The following SAMD12 variants were observed in gnomAD, a reference collection of about 807,000 sequenced individuals.
The protein encoded by SAMD12 is sterile alpha motif domain containing 12.
SAMD12 carries 9 observed loss-of-function variants against 15.0 expected under a neutral mutation model. That is an observed-to-expected ratio of 0.60 (90% CI 0.36 to 1.05). The LOEUF (loss-of-function observed/expected upper bound fraction) is 1.05. Among genes scored for constraint, SAMD12 ranks in the 50% least tolerant of loss-of-function variants. The pLI, the probability that SAMD12 is intolerant of heterozygous loss-of-function variation, is 0.01. For missense variants in SAMD12, 230 were observed against 234.2 expected (o/e 0.98, Z 0.12); for synonymous variants, 86 against 90.1 (o/e 0.96, Z 0.25).
intron 2 of SAMD12, among the ~76,000 whole-genome samples, chr8:118,443,330 G>T (rs981488779): frequency 1.3e-4 from 20 of 152,138 alleles, no homozygotes; most frequent in Admixed American, 5.2e-4. Context: ...TGGGCATGGT[G>T]GCATGCACCT....
chr8:118,517,766 T>C (rs914111013), intron 2 of SAMD12, among the ~76,000 whole-genome samples: 3 of 152,212 alleles, frequency 2.0e-5, no homozygotes, highest in Non-Finnish European at 2.9e-5. Flanking sequence ...ATGTCTTTGC[T>C]TTTGAATGGG....
chr8:118,511,486 G>A (rs1000648375), intron 2 of SAMD12, among the ~76,000 whole-genome samples: 2 of 151,400 alleles, frequency 1.3e-5, no homozygotes, highest in Non-Finnish European at 2.9e-5. Flanking sequence ...TAGATGTTTT[G>A]TAGATTGGAA....
chr8:118,524,113 T>C (rs1825467514), intron 2 of SAMD12, among the ~76,000 whole-genome samples: 1 of 152,058 alleles, frequency 6.6e-6, no homozygotes, highest in Non-Finnish European at 1.5e-5. Context: ...CCCAACCCCA[T>C]TTAGAGTAAA....
chr8:118,347,878 C>T (rs185046250), intron 4 of SAMD12, among the ~76,000 whole-genome samples: 3 of 152,278 alleles, frequency 2.0e-5, no homozygotes, highest in Admixed American at 6.5e-5. Context: ...TAGGCTACCT[C>T]TAAGCATGGC....
In SAMD12 at chr8:118,538,988, T is replaced by C. The variant is rs907431421; in HGVS notation, c.192+41727A>G. Among the ~76,000 whole-genome samples, 8 of 152,302 alleles carry C rather than the reference T, an allele frequency of 5.3e-5. No homozygotes were observed. The East Asian group carries it at 5.8e-4, about 11-fold the overall frequency. On this transcript the variant is annotated intron_variant, in intron 2 of 3. Coordinates refer to ENST00000314727, the MANE Select transcript of SAMD12 (RefSeq NM_207506.3). ...GGAAATTTGCCTGATATTTCAGAGGTAGCAAATTACCTAACTAGGATATAA... is the reference window on the plus strand; with the variant it reads ...GGAAATTTGCCTGATATTTCAGAGGCAGCAAATTACCTAACTAGGATATAA...
intron 4 of SAMD12, among the ~76,000 whole-genome samples, chr8:118,360,807 T>C (rs1027002571): frequency 6.6e-6 from 1 of 152,214 alleles, no homozygotes. Flanking sequence ...TGCATTTGTT[T>C]TTTTCTTGAA....
chr8:118,371,418 G>GTAA (rs1447832845), intron 4 of SAMD12, among the ~76,000 whole-genome samples: 2 of 152,004 alleles, frequency 1.3e-5, no homozygotes, highest in Non-Finnish European at 2.9e-5. Flanking sequence ...TTAACACAGT[G>GTAA]GTTAGGGTAG....
the SAMD12 span, among the ~76,000 whole-genome samples, chr8:118,148,260 T>A: frequency 6.6e-6 from 1 of 151,778 alleles, no homozygotes; most frequent in Non-Finnish European, 1.5e-5. Flanking sequence ...GATGGAGTCT[T>A]GCTATGCTGC....
the SAMD12 span, among the ~76,000 whole-genome samples, chr8:118,182,523 A>T: frequency 4.0e-3 from 612 of 152,216 alleles, 2 homozygotes; most frequent in Middle Eastern, 0.01. Flanking sequence ...CTGGTCCTGA[A>T]TTTTGCTTAT....
chr8:118,498,376 C>T (rs1256050906), intron 2 of SAMD12, among the ~76,000 whole-genome samples: 2 of 152,136 alleles, frequency 1.3e-5, no homozygotes, highest in Non-Finnish European at 2.9e-5. Context: ...TTAATATACA[C>T]GAATATATTT....
chr8:118,205,380 A>C (rs913788207), intron 4 of SAMD12, among the ~76,000 whole-genome samples: 8 of 152,208 alleles, frequency 5.3e-5, no homozygotes, highest in African/African-American at 1.9e-4. Flanking sequence ...ATCATTCACC[A>C]AGTACTTCCT....
chr8:118,196,674 A>G (rs1308590673), exon 5 of SAMD12: 1 of 152,144 alleles, frequency 6.6e-6, no homozygotes, highest in Non-Finnish European at 1.5e-5. Context: ...GAGAATGGCG[A>G]TTTCAACTTG....
At chr8:118,573,885 T>C (rs1251795049) in intron 2 of SAMD12, among the ~76,000 whole-genome samples, 3 of 152,222 alleles carry the variant, frequency 2.0e-5, no homozygotes, top group Non-Finnish European at 4.4e-5. Context: ...CTGGACACAG[T>C]AGCAGGCATT....
chr8:118,520,840 A>G (rs957324903), intron 2 of SAMD12, among the ~76,000 whole-genome samples: 3 of 152,172 alleles, frequency 2.0e-5, no homozygotes, highest in Non-Finnish European at 2.9e-5. Flanking sequence ...TAAAACTCCA[A>G]TCAGCCTGAG....
At chr8:118,187,326 T>C (rs559484589), downstream of SAMD12, among the ~76,000 whole-genome samples, 1 of 152,206 alleles carries the variant, frequency 6.6e-6, no homozygotes, top group African/African-American at 2.4e-5. Context: ...ACAGTGTACA[T>C]ACATCTATAT....
chr8:118,173,960 C>T, the SAMD12 span, among the ~76,000 whole-genome samples: 3 of 152,028 alleles, frequency 2.0e-5, no homozygotes, highest in African/African-American at 7.2e-5. Flanking sequence ...ACTTATCTGG[C>T]AATTAAAAAT....
intron 4 of SAMD12, among the ~76,000 whole-genome samples, chr8:118,358,895 A>G (rs1474529966): frequency 6.6e-6 from 1 of 152,212 alleles, no homozygotes; most frequent in Non-Finnish European, 1.5e-5. Flanking sequence ...GAATGAAAAT[A>G]TGTTAACACA....
intron 4 of SAMD12, among the ~76,000 whole-genome samples, chr8:118,353,343 T>C (rs1029604374): frequency 1.3e-5 from 2 of 151,550 alleles, no homozygotes; most frequent in Non-Finnish European, 1.5e-5. Context: ...AAAATTTATA[T>C]GTTGAAGCCT....
rs769971821 is a variant in SAMD12 at position 118,379,540 on chromosome 8, A to G, written c.483T>C (p.Asp161=). The change falls in exon 4 of 4, where the codon GAT becomes GAC. Residue 161 remains aspartate, a synonymous_variant. Transcript: ENST00000314727. ...LLTQGTLLLP[D]GWMDGEIRRK... ...TTCTAATCTCCCCATCCATCCACCC[A>G]TCAGGAAGCAATAGGGTACCTTGTG... is the stretch of plus-strand genomic sequence containing the variant. 3.6e-5 allele frequency: 58 copies of G among 1,613,726 alleles called. No individual in the cohort carries two copies. Among genetic ancestry groups the G allele is most frequent in the Non-Finnish European group, 4.6e-5 (54 of 1,179,814 alleles).
Sources: allele counts gnomAD v4.1 joint callset (sites outside exome capture counted in the v4.1 genomes callset), GRCh38; gene constraint gnomAD v4.1.1; transcripts MANE v1.5; gene names NCBI Gene and HGNC (gene_info 2026-07-23, HGNC 2026-07-21).